Variants in MAN1C1 observed in about 807,000 individuals in gnomAD.
The protein encoded by MAN1C1 is mannosyl-oligosaccharide 1,2-alpha-mannosidase IC.
In MAN1C1, 49 loss-of-function variants were observed where a neutral mutation model predicts 71.5. That is an observed-to-expected ratio of 0.69 (90% confidence interval 0.54 to 0.87). MAN1C1 has a LOEUF of 0.87. Among genes scored for constraint, MAN1C1 ranks in the 40% least tolerant of loss-of-function variants. The pLI is 0.00. For synonymous variants in MAN1C1, 352 were observed against 343.7 expected (o/e 1.02, Z -0.27); for missense variants, 743 against 835.0 (o/e 0.89, Z 1.36).
At chr1:25,781,244 T>C in intron 10 of MAN1C1, 132 bp downstream of exon 10, 1 of 949,670 alleles carries the variant, frequency 1.1e-6, no homozygotes, top group Non-Finnish European at 1.6e-6. Context: ...CAGTTCAGAG[T>C]GCAAAGGGTC....
At chr1:25,722,898 G>A (rs956419538) in intron 2 of MAN1C1, among the ~76,000 whole-genome samples, 1 of 152,202 alleles carries the variant, frequency 6.6e-6, no homozygotes, top group African/African-American at 2.4e-5. Flanking sequence ...TCTAGAGCTA[G>A]TCTGGTTCTG....
At chr1:25,773,171 G>A (rs565934555) in intron 8 of MAN1C1, among the ~76,000 whole-genome samples, 1 of 151,650 alleles carries the variant, frequency 6.6e-6, no homozygotes, top group South Asian at 2.1e-4. Context: ...CAGGCCCATG[G>A]TAACTGTTTT....
chr1:25,667,259 G>A (rs1013059838), intron 1 of MAN1C1, among the ~76,000 whole-genome samples: 6 of 151,702 alleles, frequency 4.0e-5, no homozygotes, highest in African/African-American at 9.7e-5. Context: ...TGAGGCGGGC[G>A]GATCACTTGA....
intron 1 of MAN1C1, among the ~76,000 whole-genome samples, chr1:25,624,983 T>A (rs114080675): frequency 2.1e-3 from 312 of 151,146 alleles, no homozygotes; most frequent in African/African-American, 6.6e-3. Context: ...TTAATACATA[T>A]AGCGAAATGC....
At chr1:25,721,877 G>A (rs2046770595) in intron 2 of MAN1C1, among the ~76,000 whole-genome samples, 1 of 152,136 alleles carries the variant, frequency 6.6e-6, no homozygotes, top group South Asian at 2.1e-4. Context: ...AGTGTGATGT[G>A]AGCTGTGAAT....
At chr1:25,720,026 C>A (rs2046742271) in intron 2 of MAN1C1, among the ~76,000 whole-genome samples, 1 of 152,140 alleles carries the variant, frequency 6.6e-6, no homozygotes. Context: ...TCAAGTGATC[C>A]ACCTGCCTCA....
At position 25,628,910 on chromosome 1, in the gene MAN1C1, G is replaced by A. The variant is rs560500485; in HGVS notation, c.540+10573G>A. The stretch of plus-strand genomic sequence containing the variant: ...GGCCTCCTGCTACATCCAAGTTGCT[G>A]CAAAAGATGTTATTTCATTCCTTTT... On this transcript the variant is annotated intron_variant, in intron 1 of 11. Transcript: ENST00000374332. Among the ~76,000 whole-genome samples the A allele has an allele frequency of 6.6e-5, 10 of 152,256 alleles. No homozygotes were observed. The South Asian group carries it at 2.1e-3, about 32-fold the overall frequency.
At position 25,775,901 on chromosome 1, in the gene MAN1C1, T is replaced by C. The variant is rs756937888; in HGVS notation, c.1258-2204T>C. The stretch of plus-strand genomic sequence containing the variant: ...TCTTGGGTTTTTTGTTTGTTTGTTT[T>C]TTTATGACAGAGTCTCACTCTATTG... On this transcript the variant is annotated intron_variant, in intron 8 of 11. Transcript: ENST00000374332. This position sits in a 1 kb window ranked among gnomAD's most constrained non-coding sequence, Gnocchi z 5.1. The C allele has an allele frequency of 6.6e-6, 1 of 152,656 alleles. No homozygotes were observed. The highest frequency in any genetic ancestry group is 1.5e-5 in the Non-Finnish European group (1 of 68,388). The allele number at this position is 152,656 out of a possible 1,614,324, so 9.5% of individuals were successfully genotyped here. A position where few individuals can be genotyped will look rare whatever the true frequency, so the allele number is the denominator to read the frequency against.
chr1:25,734,150 AC>A (rs2046949510), intron 2 of MAN1C1, among the ~76,000 whole-genome samples: 1 of 151,600 alleles, frequency 6.6e-6, no homozygotes, highest in Non-Finnish European at 1.5e-5. Flanking sequence ...TATTTTTGAG[AC>A]AGAGTCTCTC....
intron 4 of MAN1C1, 140 bp downstream of exon 4, chr1:25,749,475 C>G: frequency 1.7e-6 from 1 of 604,088 alleles, no homozygotes; most frequent in Non-Finnish European, 2.8e-6. Context: ...CAAGTCCACC[C>G]CTGAGGGCCT....
At chr1:25,719,402 TA>T (rs1476610992) in intron 2 of MAN1C1, among the ~76,000 whole-genome samples, 2 of 102,898 alleles carry the variant, frequency 1.9e-5, no homozygotes, top group African/African-American at 1.4e-4. Context: ...ATCTTTTATT[TA>T]TTTATTTATT....
chr1:25,710,822 G>A (rs1411452562), intron 2 of MAN1C1, among the ~76,000 whole-genome samples: 4 of 152,182 alleles, frequency 2.6e-5, no homozygotes, highest in Non-Finnish European at 4.4e-5. Context: ...TTAAAGAAAG[G>A]TCAAGGTTGA....
chr1:25,766,213 A>G (rs1192903939), intron 7 of MAN1C1, among the ~76,000 whole-genome samples: 5 of 152,138 alleles, frequency 3.3e-5, no homozygotes, highest in Non-Finnish European at 7.3e-5. Flanking sequence ...ATTGTTTCCT[A>G]TTAATAAAAT....
chr1:25,656,710 A>G (rs1279211670), intron 1 of MAN1C1, among the ~76,000 whole-genome samples: 1 of 152,144 alleles, frequency 6.6e-6, no homozygotes, highest in African/African-American at 2.4e-5. Context: ...AGGAGAAGAC[A>G]CATGTTGGGT....
At chr1:25,686,242 T>G (rs1026786698) in intron 1 of MAN1C1, among the ~76,000 whole-genome samples, 198 bp from the exon 2 acceptor site, 1 of 152,226 alleles carries the variant, frequency 6.6e-6, no homozygotes, top group Admixed American at 6.5e-5. Flanking sequence ...TGGCGTTGTC[T>G]AAGAAGAATG....
chr1:25,747,430 A>G (rs2047145596), intron 3 of MAN1C1, among the ~76,000 whole-genome samples: 1 of 152,240 alleles, frequency 6.6e-6, no homozygotes, highest in Non-Finnish European at 1.5e-5. Flanking sequence ...AAAGCAAGGC[A>G]TGCATCCCAG....
chr1:25,668,196 T>C, intron 1 of MAN1C1, among the ~76,000 whole-genome samples: 1 of 151,660 alleles, frequency 6.6e-6, no homozygotes, highest in Non-Finnish European at 1.5e-5. Context: ...TTTTCAGATA[T>C]TTATTAAGTT....
intron 1 of MAN1C1, among the ~76,000 whole-genome samples, chr1:25,649,519 A>G (rs1211080323): frequency 2.0e-5 from 3 of 152,184 alleles, no homozygotes; most frequent in South Asian, 4.1e-4. Context: ...TCTGTGGGCA[A>G]TGAGGTCCTC....
intron 1 of MAN1C1, among the ~76,000 whole-genome samples, chr1:25,675,595 G>A (rs2046055314): frequency 7.0e-6 from 1 of 142,190 alleles, no homozygotes; most frequent in South Asian, 2.4e-4. Context: ...GGGGGGGGGG[G>A]GAGGTGGTTA....
Sources: gnomAD v4.1 joint callset for allele counts (sites outside exome capture counted in the v4.1 genomes callset) on GRCh38, gnomAD v4.1.1 for gene constraint, Gnocchi (gnomAD v3.1) non-coding constraint, MANE v1.5 for transcripts, NCBI Gene and HGNC (gene_info 2026-07-23, HGNC 2026-07-21) for gene names.